Variants in CNTN3 observed in about 807,000 individuals in gnomAD.
The protein encoded by CNTN3 is contactin-3.
A neutral mutation model predicts 119.1 loss-of-function variants in CNTN3; 60 were observed. The ratio of observed to expected loss-of-function variants is 0.50; its 90% CI spans 0.41 to 0.62. The LOEUF is 0.62. Among genes scored for constraint, CNTN3 ranks in the 20% least tolerant of loss-of-function variants. CNTN3 has a pLI of 0.00. For missense variants in CNTN3, 1,101 were observed against 1,242.4 expected, an observed-to-expected ratio of 0.89 and a Z score of 1.71; for synonymous variants, 450 against 438.7, an observed-to-expected ratio of 1.03 and a Z score of -0.32.
At chr3:74,273,648 C>T (rs186086423) in intron 20 of CNTN3, among the ~76,000 whole-genome samples, 9 of 152,230 alleles carry the variant, frequency 5.9e-5, no homozygotes, top group Non-Finnish European at 7.4e-5. Context: ...GAAGAAGCAG[C>T]GGGAAAGGCC....
At chr3:74,339,226 C>T (rs1703471877) in intron 11 of CNTN3, among the ~76,000 whole-genome samples, 1 of 152,018 alleles carries the variant, frequency 6.6e-6, no homozygotes, top group Non-Finnish European at 1.5e-5. Context: ...GCAAACCTTG[C>T]TTAGAACCTC....
chr3:74,511,118 C>T (rs1003343570), intron 2 of CNTN3, among the ~76,000 whole-genome samples: 1 of 152,034 alleles, frequency 6.6e-6, no homozygotes, highest in Non-Finnish European at 1.5e-5. Context: ...GGGGAGAAAA[C>T]ACTTCCTTTA....
At chr3:74,425,015 T>C (rs7619184) in intron 4 of CNTN3, 75 bp from the exon 5 acceptor site, 632,735 of 918,356 alleles carry the variant, frequency 0.69, 224,581 homozygotes, top group East Asian at 0.82. Flanking sequence ...AGACCTTCCT[T>C]TCTTTTAGAA....
At chr3:74,530,760 C>T (rs1444356122) in intron 1 of CNTN3, among the ~76,000 whole-genome samples, 1 of 151,784 alleles carries the variant, frequency 6.6e-6, no homozygotes, top group Non-Finnish European at 1.5e-5. Flanking sequence ...CAGAGGAAAG[C>T]TAGGGTATCT....
At chr3:74,572,252 G>T (rs1279158468) in intron 1 of CNTN3, among the ~76,000 whole-genome samples, 1 of 152,126 alleles carries the variant, frequency 6.6e-6, no homozygotes, top group East Asian at 1.9e-4. Context: ...ACTTATTCTT[G>T]TACAATACAC....
At chr3:74,357,647 A>G (rs533769029) in intron 11 of CNTN3, among the ~76,000 whole-genome samples, 28 of 152,284 alleles carry the variant, frequency 1.8e-4, no homozygotes, top group African/African-American at 6.7e-4. Flanking sequence ...TAGACCTTGA[A>G]TGATACATAT....
intron 11 of CNTN3, among the ~76,000 whole-genome samples, chr3:74,360,179 C>T (rs17012429): frequency 0.08 from 12,110 of 152,228 alleles, 796 homozygotes; most frequent in East Asian, 0.28. Context: ...ATCTAAAAGC[C>T]GTTCAACCTG....
At chr3:74,344,424 T>G (rs1341249104) in intron 11 of CNTN3, among the ~76,000 whole-genome samples, 2 of 29,816 alleles carry the variant, frequency 6.7e-5, no homozygotes, top group East Asian at 2.5e-3. Context: ...TTTTTTTTTT[T>G]TTTTTTTTTT....
intron 1 of CNTN3, among the ~76,000 whole-genome samples, chr3:74,608,142 C>A (rs557570911): frequency 6.6e-6 from 1 of 152,252 alleles, no homozygotes; most frequent in South Asian, 2.1e-4. Flanking sequence ...AGCTGTACCC[C>A]AGAGATGATT....
intron 4 of CNTN3, among the ~76,000 whole-genome samples, chr3:74,459,986 C>A (rs76204158): frequency 0.016 from 2,408 of 152,154 alleles, 58 homozygotes; most frequent in African/African-American, 0.053. Context: ...TCTTACTGTA[C>A]AATTGCTCCA....
At chr3:74,593,424 G>A (rs767182870) in intron 1 of CNTN3, among the ~76,000 whole-genome samples, 4 of 151,966 alleles carry the variant, frequency 2.6e-5, no homozygotes, top group Admixed American at 6.6e-5. Context: ...AGACAACTTC[G>A]TGTGACTTTA....
At chr3:74,440,056 C>A (rs188271581) in intron 4 of CNTN3, among the ~76,000 whole-genome samples, 2 of 152,268 alleles carry the variant, frequency 1.3e-5, no homozygotes, top group Admixed American at 6.5e-5. Context: ...TATGACAACA[C>A]CATATTTGGG....
chr3:74,443,256 G>T (rs1194653840), intron 4 of CNTN3, among the ~76,000 whole-genome samples: 1 of 152,110 alleles, frequency 6.6e-6, no homozygotes, highest in African/African-American at 2.4e-5. Context: ...TCCCTAGCCT[G>T]TCTGGCTCTA....
At chr3:74,509,679 G>A (rs761776173) in intron 2 of CNTN3, among the ~76,000 whole-genome samples, 57 of 152,034 alleles carry the variant, frequency 3.7e-4, no homozygotes, top group Non-Finnish European at 6.8e-4. Context: ...GAGTTAAACC[G>A]GAATCTCTCT....
At chr3:74,280,452 G>C (rs918074330) in intron 20 of CNTN3, among the ~76,000 whole-genome samples, 10 of 152,236 alleles carry the variant, frequency 6.6e-5, no homozygotes, top group African/African-American at 2.2e-4. Context: ...GGAAACAACA[G>C]TTGGTTGTTT....
At chr3:74,449,623 T>C (rs143992073) in intron 4 of CNTN3, among the ~76,000 whole-genome samples, 1 of 152,152 alleles carries the variant, frequency 6.6e-6, no homozygotes, top group East Asian at 1.9e-4. Context: ...ACCACACCTT[T>C]TGAAACTGCA....
rs916458080 is a variant in CNTN3, at chr3:74,519,080, T to C, written c.55+1978A>G. Among the ~76,000 whole-genome samples, 8 of 151,916 alleles carry C rather than the reference T, an allele frequency of 5.3e-5. No homozygotes were observed. The East Asian group carries it at 9.7e-4, about 18-fold the overall frequency. ...TAATAGGCTTAAGTGTATATTTATA[T>C]GGACATAGGCCTCCACTGCCTTTCT... On this transcript the variant is annotated intron_variant, in intron 2 of 22. Coordinates refer to ENST00000263665, the MANE Select transcript of CNTN3 (RefSeq NM_020872.3).
rs1276625282 is a variant in CNTN3 at position 74,554,484 on chromosome 3, T to G, written c.-80-33292A>C. 3.9e-5 allele frequency among the ~76,000 whole-genome samples: 6 copies of G among 152,202 alleles called. No homozygotes were observed. In the East Asian group the frequency reaches 1.2e-3, roughly 29 times the overall value. ...CAGTGGTAGCTTGATGGGGATAGCA[T>G]GGAATCTATAAATTACTTTGGGCAG... On this transcript the variant is annotated intron_variant, in intron 1 of 22. Transcript: ENST00000263665.
intron 13 of CNTN3, among the ~76,000 whole-genome samples, chr3:74,332,971 A>G (rs150417418): frequency 2.6e-5 from 4 of 152,234 alleles, no homozygotes; most frequent in Non-Finnish European, 5.9e-5. Context: ...TGGAGTAGAG[A>G]GCTAGCTCAG....
Sources: allele counts gnomAD v4.1 joint callset (sites outside exome capture counted in the v4.1 genomes callset), GRCh38; gene constraint gnomAD v4.1.1; transcripts MANE v1.5; gene names NCBI Gene and HGNC (gene_info 2026-07-23, HGNC 2026-07-21).